The following TRDMT1 variants were observed in gnomAD, a reference collection of about 807,000 sequenced individuals.
The protein encoded by TRDMT1 is tRNA (cytosine(38)-C(5))-methyltransferase.
TRDMT1 carries 49 observed loss-of-function variants against 51.2 expected under a neutral mutation model. That is an observed-to-expected ratio of 0.96 (90% CI 0.76 to 1.21). The LOEUF is 1.21. TRDMT1 is among the 50% of genes most tolerant of loss of function. TRDMT1 has a pLI of 0.00. For missense variants in TRDMT1, 534 were observed against 462.3 expected (o/e 1.16, Z -1.42); for synonymous variants, 187 against 164.6 (o/e 1.14, Z -1.04).
intron 3 of TRDMT1, among the ~76,000 whole-genome samples, chr10:17,165,945 T>C (rs1407660610): frequency 6.7e-6 from 1 of 149,912 alleles, no homozygotes; most frequent in Non-Finnish European, 1.5e-5. Context: ...AGTTCAACCA[T>C]TGTGGAAGTC....
intron 1 of TRDMT1, among the ~76,000 whole-genome samples, chr10:17,186,921 A>G (rs563326912): frequency 1.3e-5 from 2 of 152,338 alleles, no homozygotes; most frequent in South Asian, 2.1e-4. Flanking sequence ...AAAGAAAGCT[A>G]TAATTTATTT....
chr10:17,194,032 A>T (rs1238417796), intron 1 of TRDMT1, among the ~76,000 whole-genome samples: 1 of 152,228 alleles, frequency 6.6e-6, no homozygotes, highest in Non-Finnish European at 1.5e-5. Flanking sequence ...CTGATCTTCA[A>T]CAAAGTAGAC....
At chr10:17,200,926 G>GA (rs1166487700) in intron 1 of TRDMT1, among the ~76,000 whole-genome samples, 1 of 152,062 alleles carries the variant, frequency 6.6e-6, no homozygotes, top group East Asian at 1.9e-4. Flanking sequence ...TTAAAACCAG[G>GA]AAACAGGTTC....
chr10:17,146,809 A>G lies in TRDMT1; in HGVS notation c.*2231T>C, dbSNP rs1441243619. ...ACCAAAAGCATATAGCAGACATTCCATAAAATAACATTTTCCAAATTAATT... is the reference window on the plus strand; with the variant it reads ...ACCAAAAGCATATAGCAGACATTCCGTAAAATAACATTTTCCAAATTAATT... On this transcript the variant is annotated 3_prime_UTR_variant, in exon 11 of 11. Transcript: ENST00000377799. The G allele has an allele frequency of 9.1e-6, 9 of 985,302 alleles. No homozygotes were observed. Among genetic ancestry groups the G allele is most frequent in the Non-Finnish European group, 1.1e-5 (9 of 829,880 alleles). 61.0% of individuals were successfully genotyped at this position (985,302 alleles called of 1,614,324 possible).
At chr10:17,184,417 T>C (rs1246097081) in intron 1 of TRDMT1, among the ~76,000 whole-genome samples, 2 of 151,154 alleles carry the variant, frequency 1.3e-5, no homozygotes, top group African/African-American at 2.4e-5. Context: ...AAAAATATAA[T>C]TATTTTAATA....
rs1413760534 is a variant in TRDMT1 at position 17,142,107 on chromosome 10, G to A, written c.*6933C>T. ...CTGTTGAAGCATTTTTATGAGAGTT[G>A]CTTAAAATCCTTGTCAAGTAATTCC... On this transcript the variant is annotated 3_prime_UTR_variant, in exon 11 of 11. Transcript: ENST00000377799. The A allele has an allele frequency of 1.3e-5, 2 of 152,136 alleles. No individual in the cohort carries two copies. Among genetic ancestry groups the A allele is most frequent in the Admixed American group, 6.5e-5 (1 of 15,270 alleles). The allele number at this position is 152,136 out of a possible 1,614,324, so 9.4% of individuals were successfully genotyped here. A position where few individuals can be genotyped will look rare whatever the true frequency, so the allele number is the denominator to read the frequency against.
Position 17,139,012 on chromosome 10 carries a change from C to A in TRDMT1, c.*10028G>T, listed in dbSNP as rs941197142. Among the ~76,000 whole-genome samples, 2 of 152,112 alleles carry A rather than the reference C, an allele frequency of 1.3e-5. No homozygotes were observed. Among genetic ancestry groups the A allele is most frequent in the Admixed American group, 1.3e-4 (2 of 15,268 alleles). On this transcript the variant is annotated 3_prime_UTR_variant, in exon 11 of 11. Coordinates refer to ENST00000377799, the MANE Select transcript of TRDMT1 (RefSeq NM_004412.7). ...AGGATCAGCCATAGCAGAGGAGATA[C>A]TAATTGCTAGGATTAAAGGCTCCAA...
intron 1 of TRDMT1, among the ~76,000 whole-genome samples, chr10:17,189,869 G>T (rs191913728): frequency 6.6e-6 from 1 of 152,060 alleles, no homozygotes; most frequent in African/African-American, 2.4e-5. Flanking sequence ...AAAGACTCTG[G>T]CATTTGTTTC....
Position 17,162,256 on chromosome 10 carries a change from A to C in TRDMT1, c.252-19T>G, listed in dbSNP as rs202101150. 3.1e-5 allele frequency: 48 copies of C among 1,542,610 alleles called. No individual in the cohort carries two copies. In the East Asian group the frequency reaches 7.0e-4, roughly 22 times the overall value. ...GCCAATCCTAAAGGGGTAAAAAAAA[A>C]AAAAAACAAAAAAAAACACAGAAAG... is the stretch of plus-strand genomic sequence containing the variant. On this transcript the variant is annotated intron_variant, in intron 3 of 10. Transcript: ENST00000377799.
intron 1 of TRDMT1, among the ~76,000 whole-genome samples, chr10:17,193,541 G>T (rs975544707): frequency 6.6e-6 from 1 of 152,098 alleles, no homozygotes; most frequent in South Asian, 2.1e-4. Context: ...AATCAAGAAT[G>T]TGATCTTCTT....
rs1386949141 is a variant in TRDMT1 at position 17,146,915 on chromosome 10, C to T, written c.*2125G>A. On this transcript the variant is annotated 3_prime_UTR_variant, in exon 11 of 11. Coordinates refer to ENST00000377799, the MANE Select transcript of TRDMT1 (RefSeq NM_004412.7). ...GATGTGAGTTTTATGCTTGTTACTG[C>T]ATATTTTCAATTATGAATTAAGGGC... The T allele has an allele frequency of 1.0e-6, 1 of 985,244 alleles. No homozygotes were observed. The highest frequency in any genetic ancestry group is 1.7e-5 in the African/African-American group (1 of 57,212). 61.0% of individuals were successfully genotyped at this position (985,244 alleles called of 1,614,324 possible). A position where few individuals can be genotyped will look rare whatever the true frequency, so the allele number is the denominator to read the frequency against.
At chr10:17,195,673 CAAGAA>C (rs1399827668) in intron 1 of TRDMT1, among the ~76,000 whole-genome samples, 1 of 151,904 alleles carries the variant, frequency 6.6e-6, no homozygotes, top group Non-Finnish European at 1.5e-5. Context: ...TTATTCCTCA[CAAGAA>C]AAGATAAGTA....
rs72775087 is a variant in TRDMT1 at position 17,200,483 on chromosome 10, T to C, written c.64+1088A>G. ...ACTCAATAAATCTGCTCAAAAAACT[T>C]ATACGCTAAACCCATTAAATATTGT... On this transcript the variant is annotated intron_variant, in intron 1 of 10. Coordinates refer to ENST00000377799, the MANE Select transcript of TRDMT1 (RefSeq NM_004412.7). 8.4e-3 allele frequency: 1,417 copies of C among 168,078 alleles called. 11 individuals are homozygous for C. The highest frequency in any genetic ancestry group is 0.02 in the Middle Eastern group (6 of 296). 10.4% of individuals were successfully genotyped at this position (168,078 alleles called of 1,614,324 possible). A position where few individuals can be genotyped will look rare whatever the true frequency, so the allele number is the denominator to read the frequency against.
rs1427393942 is a variant in TRDMT1 at position 17,169,305 on chromosome 10, C to A, written c.175-388G>T. 8 of 1,175,512 alleles carry A rather than the reference C, an allele frequency of 6.8e-6. No homozygotes were observed. The East Asian group carries it at 3.0e-4, about 44-fold the overall frequency. 72.8% of individuals were successfully genotyped at this position (1,175,512 alleles called of 1,614,324 possible). ...ATGGGGTCTAGGAAATTTTTAAATACCTACCTGTCAATAATGTTCTTTATT... is the reference window on the plus strand; with the variant it reads ...ATGGGGTCTAGGAAATTTTTAAATAACTACCTGTCAATAATGTTCTTTATT... On this transcript the variant is annotated intron_variant, in intron 2 of 10. Transcript: ENST00000377799.
chr10:17,187,045 A>T (rs186496348), intron 1 of TRDMT1, among the ~76,000 whole-genome samples: 6 of 152,294 alleles, frequency 3.9e-5, no homozygotes, highest in African/African-American at 1.2e-4. Context: ...TGAGTTTTTT[A>T]AATTTTCTTC....
At chr10:17,165,115 AACTAT>A (rs1321656267) in intron 3 of TRDMT1, among the ~76,000 whole-genome samples, 9 of 152,212 alleles carry the variant, frequency 5.9e-5, no homozygotes, top group Non-Finnish European at 7.3e-5. Context: ...CCTGACTTGA[AACTAT>A]ACTACAAGGC....
chr10:17,173,440 A>C (rs7085709), intron 2 of TRDMT1, among the ~76,000 whole-genome samples: 9,661 of 152,218 alleles, frequency 0.063, 976 homozygotes, highest in African/African-American at 0.22. Context: ...AGTTCCACTC[A>C]AAAGAACTAC....
chr10:17,201,433 G>A (rs1846150103), intron 1 of TRDMT1, 138 bp downstream of exon 1: 2 of 833,558 alleles, frequency 2.4e-6, no homozygotes, highest in African/African-American at 1.8e-5. Context: ...CTGTTTCCAG[G>A]ACAACCGAGG....
Position 17,145,037 on chromosome 10 carries a change from G to C in TRDMT1, c.*4003C>G. ...GCCAAGGTGGGTGGATTAACTTGAG[G>C]TCAGGTGTTCGAGACCAGCCTGGCC... On this transcript the variant is annotated 3_prime_UTR_variant, in exon 11 of 11. Coordinates refer to ENST00000377799, the MANE Select transcript of TRDMT1 (RefSeq NM_004412.7). 3 of 933,862 alleles carry C rather than the reference G, an allele frequency of 3.2e-6. No individual in the cohort carries two copies. Among genetic ancestry groups the C allele is most frequent in the Non-Finnish European group, 3.8e-6 (3 of 783,018 alleles). 57.8% of individuals were successfully genotyped at this position (933,862 alleles called of 1,614,324 possible).
Sources: gnomAD v4.1 joint callset for allele counts (sites outside exome capture counted in the v4.1 genomes callset) on GRCh38, gnomAD v4.1.1 for gene constraint, MANE v1.5 for transcripts, NCBI Gene and HGNC (gene_info 2026-07-23, HGNC 2026-07-21) for gene names.